EPHB2: variants seen among roughly 807,000 people sequenced by gnomAD.
EPHB2 encodes the protein EPH receptor B2, also known as ephrin type-B receptor 2.
In EPHB2, 18 loss-of-function variants were observed where a neutral mutation model predicts 96.4. The ratio of observed to expected loss-of-function variants is 0.19; its 90% CI spans 0.13 to 0.28. The LOEUF (loss-of-function observed/expected upper bound fraction) is 0.28, where lower values mean the gene tolerates loss of function less well. Ranked by LOEUF, EPHB2 falls within the 10% of genes least tolerant of loss-of-function variation. The pLI is 1.00. For missense variants in EPHB2, 989 were observed against 1,355.4 expected, an observed-to-expected ratio of 0.73 and a Z score of 4.25; for synonymous variants, 506 against 534.1, an observed-to-expected ratio of 0.95 and a Z score of 0.72.
chr1:22,849,781 T>C (rs1462075183), intron 3 of EPHB2, among the ~76,000 whole-genome samples: 1 of 152,192 alleles, frequency 6.6e-6, no homozygotes, highest in Non-Finnish European at 1.5e-5. Context: ...CAACTTCTGC[T>C]AGGAATCTCT....
Position 22,892,967 on chromosome 1 carries a change from T to C in EPHB2, c.1512T>C (p.Tyr504=). The change falls in exon 7 of 16, where the codon TAT becomes TAC. Residue 504 remains tyrosine (Y), a synonymous_variant. Coordinates refer to ENST00000374630, the MANE Select transcript of EPHB2 (RefSeq NM_017449.5). The stretch of plus-strand genomic sequence containing the variant: ...AGGGCCTCAAAGCCGGCGCCATCTA[T>C]GTCTTCCAGGTGCGGGCACGCACCG... ...TVQGLKAGAI[Y]VFQVRARTVA... 1.2e-6 allele frequency: 2 copies of C among 1,614,238 alleles called. No homozygotes were observed. The highest frequency in any genetic ancestry group is 1.7e-6 in the Non-Finnish European group (2 of 1,180,030).
chr1:22,823,671 G>T (rs10799765), intron 3 of EPHB2, among the ~76,000 whole-genome samples: 30,771 of 152,186 alleles, frequency 0.2, 3,178 homozygotes, highest in South Asian at 0.32. Context: ...TGAATAATTT[G>T]CGGGGTGACC....
chr1:22,759,445 C>T (rs1336602447), intron 1 of EPHB2, among the ~76,000 whole-genome samples: 4 of 152,152 alleles, frequency 2.6e-5, no homozygotes, highest in African/African-American at 7.2e-5. Flanking sequence ...ACCCTGCCCC[C>T]ATTATCTGTC....
At chr1:22,732,176 C>T (rs1260877005) in intron 1 of EPHB2, among the ~76,000 whole-genome samples, 1 of 152,150 alleles carries the variant, frequency 6.6e-6, no homozygotes, top group East Asian at 1.9e-4. Context: ...GGCCTGCCTC[C>T]CAGAGTGAGG....
chr1:22,730,140 C>T (rs1408380739), intron 1 of EPHB2, among the ~76,000 whole-genome samples: 1 of 152,236 alleles, frequency 6.6e-6, no homozygotes, highest in Admixed American at 6.5e-5. Flanking sequence ...CACACACTGG[C>T]TGTGCACAGC....
intron 1 of EPHB2, among the ~76,000 whole-genome samples, chr1:22,775,690 C>T (rs1570254719): frequency 1.3e-5 from 2 of 152,338 alleles, no homozygotes; most frequent in East Asian, 3.9e-4. Flanking sequence ...CAGTCAGGGC[C>T]TCCTGATTGC....
intron 1 of EPHB2, among the ~76,000 whole-genome samples, chr1:22,714,804 G>T (rs1372382255): frequency 1.3e-5 from 2 of 152,182 alleles, no homozygotes; most frequent in African/African-American, 4.8e-5. Flanking sequence ...GACCCATCTG[G>T]CTCATCTTTG....
intron 3 of EPHB2, among the ~76,000 whole-genome samples, chr1:22,803,152 C>A (rs1358395185): frequency 6.6e-6 from 1 of 152,128 alleles, no homozygotes; most frequent in Admixed American, 6.5e-5. Context: ...TGTGGGGCTT[C>A]TAGGGGAAGG....
intron 1 of EPHB2, among the ~76,000 whole-genome samples, chr1:22,762,634 A>AC: frequency 6.6e-6 from 1 of 152,070 alleles, no homozygotes; most frequent in Admixed American, 6.5e-5. Flanking sequence ...AATCCCAGTG[A>AC]CCTAGTTGGA....
chr1:22,814,800 C>T (rs1239985626), intron 3 of EPHB2, among the ~76,000 whole-genome samples: 4 of 152,200 alleles, frequency 2.6e-5, no homozygotes, highest in Admixed American at 6.5e-5. Context: ...CCAGGCCAGC[C>T]GAGGCCACTG....
chr1:22,869,866 C>G (rs1040505553), intron 5 of EPHB2, among the ~76,000 whole-genome samples: 11 of 152,218 alleles, frequency 7.2e-5, no homozygotes, highest in African/African-American at 2.4e-4. Flanking sequence ...TCATTTAGTT[C>G]TTGTTCGTCT....
chr1:22,744,671 CAAAAAAAAAAA>C (rs59996691), intron 1 of EPHB2, among the ~76,000 whole-genome samples: 3 of 57,922 alleles, frequency 5.2e-5, no homozygotes, highest in African/African-American at 6.8e-5. Context: ...GACATTGTCT[CAAAAAAAAAAA>C]AAAAAAAAAA....
chr1:22,747,519 C>T (rs1643993296), intron 1 of EPHB2, among the ~76,000 whole-genome samples: 1 of 152,210 alleles, frequency 6.6e-6, no homozygotes, highest in African/African-American at 2.4e-5. Context: ...GCTGCCAAAG[C>T]CCTTGCACAG....
chr1:22,830,001 G>C (rs1645280237), intron 3 of EPHB2, among the ~76,000 whole-genome samples: 1 of 152,314 alleles, frequency 6.6e-6, no homozygotes, highest in South Asian at 2.1e-4. Flanking sequence ...AGGAGGTCAG[G>C]ATTTGTAAAC....
intron 1 of EPHB2, among the ~76,000 whole-genome samples, chr1:22,726,436 T>TA (rs965503545): frequency 3.3e-5 from 5 of 150,716 alleles, no homozygotes; most frequent in Non-Finnish European, 7.4e-5. Context: ...TTTTTTTTTT[T>TA]ATGAGACGGA....
At position 22,716,082 on chromosome 1, in the gene EPHB2, G is replaced by C. The variant is rs980670588; in HGVS notation, c.61+5039G>C. ...AGCTCCCAACTTCCCCCAGACTCGG[G>C]ATGGTAACCCCCCAAGTGTGGACAG... On this transcript the variant is annotated intron_variant, in intron 1 of 15. Transcript: ENST00000374630. Among the ~76,000 whole-genome samples the C allele has an allele frequency of 3.3e-4, 50 of 152,290 alleles. 1 individual carries two copies. Among genetic ancestry groups the C allele is most frequent in the Admixed American group, 3.1e-3 (48 of 15,304 alleles).
At chr1:22,910,716 C>A in intron 14 of EPHB2, 141 bp downstream of exon 14, 3 of 1,105,660 alleles carry the variant, frequency 2.7e-6, no homozygotes, top group Non-Finnish European at 2.6e-6. Context: ...TTATTGGGTA[C>A]CTGCCCTGCC....
chr1:22,801,642 G>T lies in EPHB2; in HGVS notation c.811+16566G>T, dbSNP rs77374930. ...CGAGGGGATGGCCTACAGGCCCAAG[G>T]CACCATGTGGGCAGAGGTGCAGCAT... On this transcript the variant is annotated intron_variant, in intron 3 of 15. Coordinates refer to ENST00000374630, the MANE Select transcript of EPHB2 (RefSeq NM_017449.5). Among the ~76,000 whole-genome samples the T allele has an allele frequency of 1.6e-3, 250 of 152,250 alleles. 7 individuals are homozygous for T. In the East Asian group the frequency reaches 0.038, roughly 23 times the overall value.
chr1:22,838,383 G>A (rs892290366), intron 3 of EPHB2, among the ~76,000 whole-genome samples: 2 of 152,272 alleles, frequency 1.3e-5, no homozygotes, highest in South Asian at 4.1e-4. Flanking sequence ...CATAGGCCAG[G>A]AGTCAGAAGA....
Sources: gnomAD v4.1 joint callset for allele counts (sites outside exome capture counted in the v4.1 genomes callset) on GRCh38, gnomAD v4.1.1 for gene constraint, MANE v1.5 for transcripts, NCBI Gene and HGNC (gene_info 2026-07-23, HGNC 2026-07-21) for gene names.